QTGAL: variants seen among roughly 807,000 people sequenced by gnomAD.
QTGAL encodes the protein BGnT-like protein 1.
the QTGAL span, among the ~76,000 whole-genome samples, chr17:83,025,621 C>T: frequency 1.9e-4 from 18 of 95,458 alleles, no homozygotes; most frequent in East Asian, 6.6e-4. Context: ...ACGGACACCG[C>T]GGAGAGTCCA....
At chr17:83,012,952 A>C in the QTGAL span, among the ~76,000 whole-genome samples, 1 of 151,908 alleles carries the variant, frequency 6.6e-6, no homozygotes, top group Admixed American at 6.5e-5. Context: ...ACACTCTCGG[A>C]CGTCTCTCCC....
the QTGAL span, among the ~76,000 whole-genome samples, chr17:82,967,598 A>C: frequency 6.6e-6 from 1 of 152,048 alleles, no homozygotes; most frequent in Non-Finnish European, 1.5e-5. Flanking sequence ...CAGAGAAATA[A>C]AATTCGAACT....
chr17:83,000,317 C>T, the QTGAL span, among the ~76,000 whole-genome samples: 9 of 152,210 alleles, frequency 5.9e-5, no homozygotes, highest in East Asian at 3.9e-4. Context: ...GCTGTGCTTG[C>T]GGAGATGATC....
chr17:82,942,409 T>G, the QTGAL span: 3 of 1,613,896 alleles, frequency 1.9e-6, no homozygotes, highest in African/African-American at 1.3e-5. Flanking sequence ...TGGTGTGTGT[T>G]GGAGCTGACC....
the QTGAL span, chr17:82,942,324 C>A: frequency 1.4e-6 from 2 of 1,415,602 alleles, no homozygotes; most frequent in Non-Finnish European, 2.0e-6. Context: ...TGGGAAACGG[C>A]ACAAATGGTT....
chr17:83,024,597 G>C, the QTGAL span, among the ~76,000 whole-genome samples: 1 of 152,254 alleles, frequency 6.6e-6, no homozygotes, highest in East Asian at 1.9e-4. Context: ...CAACTGTGCA[G>C]GGCCCCAACC....
the QTGAL span, among the ~76,000 whole-genome samples, chr17:82,999,373 G>A: frequency 6.6e-6 from 1 of 152,210 alleles, no homozygotes; most frequent in Non-Finnish European, 1.5e-5. Context: ...TCCATCTACA[G>A]CTAAGTGGGT....
At chr17:83,048,976 TGTTTTTGAA>T in the QTGAL span, 1 of 572,544 alleles carries the variant, frequency 1.7e-6, no homozygotes, top group African/African-American at 1.9e-5. Flanking sequence ...GCCTTCTACA[TGTTTTTGAA>T]AGTGAAAAAA....
At chr17:83,048,598 A>C in the QTGAL span, 1 of 1,608,480 alleles carries the variant, frequency 6.2e-7, no homozygotes, top group South Asian at 1.1e-5. Flanking sequence ...GCAGGTCAGG[A>C]AACTTCCCTC....
chr17:83,039,717 T>C, the QTGAL span, among the ~76,000 whole-genome samples: 22 of 152,178 alleles, frequency 1.4e-4, no homozygotes, highest in African/African-American at 5.3e-4. Flanking sequence ...TACCACGACC[T>C]GTTCACAAAT....
At chr17:83,044,919 C>T in the QTGAL span, among the ~76,000 whole-genome samples, 1 of 149,778 alleles carries the variant, frequency 6.7e-6, no homozygotes, top group Non-Finnish European at 1.5e-5. Flanking sequence ...GCACTCCAGC[C>T]TGGATGACAC....
At chr17:83,002,730 C>G in the QTGAL span, among the ~76,000 whole-genome samples, 3 of 152,200 alleles carry the variant, frequency 2.0e-5, no homozygotes, top group African/African-American at 7.2e-5. Flanking sequence ...AGTCCACTGC[C>G]GAGGACACCC....
chr17:83,006,010 G>C, the QTGAL span: 11 of 1,061,960 alleles, frequency 1.0e-5, no homozygotes, highest in Non-Finnish European at 1.3e-5. The surrounding 1 kb of genome is among the most constrained non-coding windows in gnomAD (Gnocchi z 5.8). Context: ...GCTGGAGAGA[G>C]GGCACCTGGG....
the QTGAL span, among the ~76,000 whole-genome samples, chr17:83,013,485 G>A: frequency 7.5e-6 from 1 of 132,492 alleles, no homozygotes; most frequent in African/African-American, 2.8e-5. Flanking sequence ...CCCTTCAGAC[G>A]CCCCCAGCAC....
chr17:82,962,290 C>T, the QTGAL span, among the ~76,000 whole-genome samples: 4 of 152,326 alleles, frequency 2.6e-5, no homozygotes, highest in Non-Finnish European at 4.4e-5. Flanking sequence ...CTCTCCAGGG[C>T]GATCCCTTTT....
chr17:83,010,735 G>A, the QTGAL span, among the ~76,000 whole-genome samples: 4 of 152,362 alleles, frequency 2.6e-5, no homozygotes, highest in Non-Finnish European at 4.4e-5. Flanking sequence ...AGGGAGAGTC[G>A]GCTGCCGTGC....
the QTGAL span, among the ~76,000 whole-genome samples, chr17:83,032,859 T>A: frequency 6.6e-6 from 1 of 152,170 alleles, no homozygotes; most frequent in African/African-American, 2.4e-5. Flanking sequence ...GCTGGGCCGA[T>A]AAATATGCAG....
the QTGAL span, chr17:82,945,606 T>C: frequency 6.6e-6 from 1 of 152,248 alleles, no homozygotes; most frequent in African/African-American, 2.4e-5. Context: ...GATAAAAATA[T>C]GCCATTCTTA....
At chr17:82,964,883 C>T in the QTGAL span, among the ~76,000 whole-genome samples, 6 of 65,108 alleles carry the variant, frequency 9.2e-5, no homozygotes, top group African/African-American at 1.2e-4. Flanking sequence ...ACGGGGGGGA[C>T]GGTGACACGG....
Sources: gnomAD v4.1 joint callset for allele counts (sites outside exome capture counted in the v4.1 genomes callset) on GRCh38, gnomAD v4.1.1 for gene constraint, Gnocchi (gnomAD v3.1) non-coding constraint, MANE v1.5 for transcripts, NCBI Gene and HGNC (gene_info 2026-07-23, HGNC 2026-07-21) for gene names.